WAC: variants seen among roughly 807,000 people sequenced by gnomAD.
The protein encoded by WAC is WW domain containing adaptor with coiled-coil, also known as WW domain-containing adapter protein with coiled-coil.
A neutral mutation model predicts 79.6 loss-of-function variants in WAC; 11 were observed. The ratio of observed to expected loss-of-function variants is 0.14; its 90% confidence interval spans 0.09 to 0.23. The LOEUF (loss-of-function observed/expected upper bound fraction) is 0.23, where lower values mean the gene tolerates loss of function less well. WAC is among the 10% of genes least tolerant of loss of function. The pLI, the probability that WAC is intolerant of heterozygous loss-of-function variation, is 1.00. For synonymous variants in WAC, 304 were observed against 276.9 expected, an observed-to-expected ratio of 1.10 and a Z score of -0.97; for missense variants, 728 against 773.5, an observed-to-expected ratio of 0.94 and a Z score of 0.70.
intron 11 of WAC, chr10:28,614,906 T>C (rs1011743635): frequency 2.5e-5 from 9 of 364,840 alleles, no homozygotes; most frequent in Non-Finnish European, 4.0e-5. Context: ...AAAGTGGCTC[T>C]TTAAAATTTT....
At chr10:28,583,866 T>C (rs895918295) in intron 4 of WAC, among the ~76,000 whole-genome samples, 1 of 152,146 alleles carries the variant, frequency 6.6e-6, no homozygotes, top group African/African-American at 2.4e-5. Context: ...ATAAACTCCT[T>C]ATAGGATACA....
At chr10:28,562,184 G>A (rs369740414) in intron 3 of WAC, among the ~76,000 whole-genome samples, 31 of 152,242 alleles carry the variant, frequency 2.0e-4, no homozygotes, top group African/African-American at 7.2e-4. Flanking sequence ...AACTTCCTGA[G>A]TAGCTGGGAT....
At chr10:28,571,488 G>A (rs2132550803) in intron 3 of WAC, among the ~76,000 whole-genome samples, 1 of 152,240 alleles carries the variant, frequency 6.6e-6, no homozygotes, top group African/African-American at 2.4e-5. Context: ...TTATCACCAT[G>A]TACTTTCCTA....
At chr10:28,585,671 G>T (rs1839785102) in intron 4 of WAC, among the ~76,000 whole-genome samples, 1 of 151,920 alleles carries the variant, frequency 6.6e-6, no homozygotes, top group Non-Finnish European at 1.5e-5. Context: ...CTGGAAAACA[G>T]TCTATTACTT....
chr10:28,559,517 A>G (rs1838193610), intron 3 of WAC, among the ~76,000 whole-genome samples: 2 of 152,162 alleles, frequency 1.3e-5, no homozygotes, highest in Non-Finnish European at 2.9e-5. Flanking sequence ...CTTTGGACCA[A>G]GGTTGAGCAC....
intron 3 of WAC, among the ~76,000 whole-genome samples, chr10:28,558,766 G>C (rs1352013639): frequency 6.6e-6 from 1 of 152,172 alleles, no homozygotes; most frequent in Non-Finnish European, 1.5e-5. Flanking sequence ...GGAATCCAAA[G>C]GTGGTGCTGT....
chr10:28,580,788 T>C (rs1839493695), intron 3 of WAC, among the ~76,000 whole-genome samples: 1 of 152,220 alleles, frequency 6.6e-6, no homozygotes, highest in Admixed American at 6.5e-5. Flanking sequence ...TCTCATGTTT[T>C]TCTTTAAAAC....
intron 3 of WAC, among the ~76,000 whole-genome samples, chr10:28,566,726 G>A (rs1838637178): frequency 6.6e-6 from 1 of 152,156 alleles, no homozygotes; most frequent in East Asian, 1.9e-4. Context: ...AAAGTCCAAG[G>A]TCAGCCCATT....
At chr10:28,586,735 G>T (rs1213911122) in intron 4 of WAC, among the ~76,000 whole-genome samples, 1 of 152,018 alleles carries the variant, frequency 6.6e-6, no homozygotes, top group East Asian at 1.9e-4. Flanking sequence ...GGTATGACTT[G>T]TAGATTATTT....
At chr10:28,566,597 T>A (rs959681984) in intron 3 of WAC, among the ~76,000 whole-genome samples, 1 of 152,232 alleles carries the variant, frequency 6.6e-6, no homozygotes, top group Non-Finnish European at 1.5e-5. Context: ...GTCTTCCTAT[T>A]GCTTTTACTC....
intron 3 of WAC, among the ~76,000 whole-genome samples, chr10:28,553,165 G>T (rs1837785814): frequency 6.6e-6 from 1 of 152,034 alleles, no homozygotes; most frequent in Non-Finnish European, 1.5e-5. Context: ...GATTTATTAG[G>T]TTTAAATTGA....
intron 3 of WAC, among the ~76,000 whole-genome samples, chr10:28,573,914 AC>A (rs1384358315): frequency 2.0e-5 from 3 of 148,626 alleles, no homozygotes; most frequent in African/African-American, 7.5e-5. Flanking sequence ...TTCTGTCTCG[AC>A]AGGTTTGTCT....
intron 3 of WAC, among the ~76,000 whole-genome samples, chr10:28,551,782 A>G (rs1837680875): frequency 2.8e-5 from 2 of 70,380 alleles, no homozygotes; most frequent in Admixed American, 1.7e-4. Context: ...TTTCCTGTCT[A>G]CTTGTGTGTG....
At chr10:28,536,387 G>A (rs996385959) in intron 3 of WAC, among the ~76,000 whole-genome samples, 1 of 152,106 alleles carries the variant, frequency 6.6e-6, no homozygotes, top group Non-Finnish European at 1.5e-5. Flanking sequence ...AAAGATTTCA[G>A]TTTGAGATCC....
intron 7 of WAC, among the ~76,000 whole-genome samples, chr10:28,596,987 T>A (rs1266532815): frequency 6.6e-6 from 1 of 152,120 alleles, no homozygotes; most frequent in African/African-American, 2.4e-5. Flanking sequence ...TCTAGATTAA[T>A]AGAGACTAAT....
chr10:28,534,129 C>G (rs1836474667), intron 2 of WAC, 95 bp downstream of exon 2: 1 of 1,237,784 alleles, frequency 8.1e-7, no homozygotes. Flanking sequence ...TCGATACAGG[C>G]CCTTCGGTGC....
intron 3 of WAC, among the ~76,000 whole-genome samples, chr10:28,567,620 A>G (rs182536970): frequency 6.6e-6 from 1 of 152,296 alleles, no homozygotes; most frequent in Admixed American, 6.5e-5. Context: ...ACTGGGCCAA[A>G]AAAAGGCAGT....
At chr10:28,535,194 G>A (rs1213583459) in intron 2 of WAC, 1 of 154,224 alleles carries the variant, frequency 6.5e-6, no homozygotes, top group East Asian at 1.9e-4. Flanking sequence ...TATATCAGCT[G>A]TAGAGCAGAA....
At chr10:28,610,431 A>C (rs1841178456) in intron 8 of WAC, among the ~76,000 whole-genome samples, 2 of 152,034 alleles carry the variant, frequency 1.3e-5, no homozygotes, top group African/African-American at 4.8e-5. Flanking sequence ...TTTTGTAGAG[A>C]GACTTTGTTC....
Sources: allele counts gnomAD v4.1 joint callset (sites outside exome capture counted in the v4.1 genomes callset), GRCh38; gene constraint gnomAD v4.1.1; transcripts MANE v1.5; gene names NCBI Gene and HGNC (gene_info 2026-07-23, HGNC 2026-07-21).